The following CLASP2 variants were observed in gnomAD, a reference collection of about 807,000 sequenced individuals.
CLASP2 encodes the protein cytoplasmic linker associated protein 2.
CLASP2 carries 47 observed loss-of-function variants against 194.4 expected under a neutral mutation model. The observed-to-expected ratio is 0.24, with a 90% confidence interval of 0.19 to 0.31. CLASP2 has a LOEUF of 0.31. CLASP2 is among the 10% of genes least tolerant of loss of function. The probability of loss-of-function intolerance (pLI) is 1.00; values close to 1 mark genes in which losing one functional copy is unlikely to be tolerated. For synonymous variants in CLASP2, 619 were observed against 633.5 expected (o/e 0.98, Z 0.34); for missense variants, 1,445 against 1,823.6 (o/e 0.79, Z 3.78).
At chr3:33,576,707 C>T (rs1338474235) in intron 23 of CLASP2, among the ~76,000 whole-genome samples, 1 of 152,122 alleles carries the variant, frequency 6.6e-6, no homozygotes, top group Non-Finnish European at 1.5e-5. Flanking sequence ...GGAAAATAAG[C>T]TCTAATTATT....
chr3:33,576,260 A>T lies in CLASP2; in HGVS notation c.2363T>A (p.Ile788Asn). ...AGACGACAGTCGACTTGATTGGCTG[A>T]TCCCATAACCTGGACCTAATTCATC... ...SFQPLGPGYG[I>N]SQSSRLSSSV... The change falls in exon 24 of 39, where the codon ATC (isoleucine) becomes AAC (asparagine). Residue 788 changes from isoleucine to asparagine, a missense_variant. Coordinates refer to ENST00000682230, the MANE Select transcript of CLASP2 (RefSeq NM_001365631.1). 6.2e-7 allele frequency: 1 copy of T among 1,613,596 alleles called. No individual in the cohort carries two copies. Among genetic ancestry groups the T allele is most frequent in the Non-Finnish European group, 8.5e-7 (1 of 1,179,532 alleles).
intron 27 of CLASP2, among the ~76,000 whole-genome samples, chr3:33,565,849 A>T (rs1470811713): frequency 6.6e-6 from 1 of 151,354 alleles, no homozygotes; most frequent in East Asian, 1.9e-4. Context: ...TAATATATAT[A>T]ATAAATAAAA....
At position 33,549,920 on chromosome 3, in the gene CLASP2, A is replaced by G. The variant is rs760457713; in HGVS notation, c.3153+1332T>C. 5.9e-5 allele frequency among the ~76,000 whole-genome samples: 9 copies of G among 151,604 alleles called. No homozygotes were observed. In the South Asian group the frequency reaches 1.9e-3, roughly 32 times the overall value. ...CACCCAATTTTTTTTTATTTTTAGC[A>G]GAGACAGGGTTTCTCCACGTTGCTC... On this transcript the variant is annotated intron_variant, in intron 30 of 38. Transcript: ENST00000682230.
chr3:33,602,733 A>G, intron 18 of CLASP2: 1 of 679,194 alleles, frequency 1.5e-6, no homozygotes, highest in Non-Finnish European at 2.7e-6. Context: ...TGGATTCAAG[A>G]ATTGTTTCTT....
intron 11 of CLASP2, among the ~76,000 whole-genome samples, chr3:33,620,100 T>C (rs879882501): frequency 6.6e-6 from 1 of 152,260 alleles, no homozygotes; most frequent in African/African-American, 2.4e-5. Flanking sequence ...TCCATTTTGA[T>C]GATCCATTAT....
At chr3:33,685,207 T>C (rs904674806) in intron 5 of CLASP2, among the ~76,000 whole-genome samples, 37 of 149,810 alleles carry the variant, frequency 2.5e-4, no homozygotes, top group African/African-American at 8.8e-4. Context: ...CCCAGCGTGG[T>C]GGCACATCCC....
chr3:33,707,748 T>C (rs1240324382), intron 1 of CLASP2, among the ~76,000 whole-genome samples: 1 of 152,142 alleles, frequency 6.6e-6, no homozygotes, highest in African/African-American at 2.4e-5. Flanking sequence ...GAAAAACAGA[T>C]GGAACAGTCA....
chr3:33,615,806 G>C (rs2076056875), intron 12 of CLASP2, among the ~76,000 whole-genome samples: 1 of 151,658 alleles, frequency 6.6e-6, no homozygotes, highest in African/African-American at 2.4e-5. Flanking sequence ...ATGACAATAA[G>C]AACAAAAGCA....
At position 33,718,056 on chromosome 3, in the gene CLASP2, A is replaced by G. The variant is rs2093377267; in HGVS notation, c.-54T>C. 7.0e-7 allele frequency: 1 copy of G among 1,436,160 alleles called. No homozygotes were observed. The highest frequency in any genetic ancestry group is 9.1e-7 in the Non-Finnish European group (1 of 1,101,602). The allele number at this position is 1,436,160 out of a possible 1,614,324, so 89.0% of individuals were successfully genotyped here. On this transcript the variant is annotated 5_prime_UTR_variant, in exon 1 of 39. Coordinates refer to ENST00000682230, the MANE Select transcript of CLASP2 (RefSeq NM_001365631.1). Reference sequence around the variant, plus strand: ...CTGTGAGCGGCCAACTTTCGCCGAGAGCCGCCCAGCCTCCAGTGCGGGTCC... The same window carrying G: ...CTGTGAGCGGCCAACTTTCGCCGAGGGCCGCCCAGCCTCCAGTGCGGGTCC...
chr3:33,565,922 T>A (rs2062654856), intron 27 of CLASP2, among the ~76,000 whole-genome samples: 1 of 152,096 alleles, frequency 6.6e-6, no homozygotes, highest in East Asian at 1.9e-4. Flanking sequence ...TTAGTAGTTA[T>A]GTTTTGGGGA....
At chr3:33,527,198 A>C (rs560218952) in intron 34 of CLASP2, among the ~76,000 whole-genome samples, 1 of 152,268 alleles carries the variant, frequency 6.6e-6, no homozygotes, top group South Asian at 2.1e-4. Flanking sequence ...TTTTTGAAAA[A>C]ATTAATAAAA....
At position 33,508,960 on chromosome 3, in the gene CLASP2, C is replaced by T. The variant is rs541906138; in HGVS notation, c.4317+1598G>A. On this transcript the variant is annotated intron_variant, in intron 37 of 38. Coordinates refer to ENST00000682230, the MANE Select transcript of CLASP2 (RefSeq NM_001365631.1). Reference sequence around the variant, plus strand: ...AGGCTCATTTTATACATTACCTGCTCCAAACCTGGACTCAGTCATTTTCCC... The same window carrying T: ...AGGCTCATTTTATACATTACCTGCTTCAAACCTGGACTCAGTCATTTTCCC... 2.0e-5 allele frequency among the ~76,000 whole-genome samples: 3 copies of T among 152,246 alleles called. No individual in the cohort carries two copies. In the South Asian group the frequency reaches 6.2e-4, roughly 32 times the overall value.
chr3:33,679,568 G>A (rs959806421), intron 6 of CLASP2, among the ~76,000 whole-genome samples: 1 of 152,058 alleles, frequency 6.6e-6, no homozygotes, highest in African/African-American at 2.4e-5. Flanking sequence ...TTTTAAATAA[G>A]GGCAAAAGAT....
chr3:33,638,172 G>A (rs549670860), intron 8 of CLASP2, among the ~76,000 whole-genome samples: 17 of 152,292 alleles, frequency 1.1e-4, no homozygotes, highest in African/African-American at 4.1e-4. Flanking sequence ...ATACGTGGAA[G>A]GGTACATATC....
intron 1 of CLASP2, among the ~76,000 whole-genome samples, chr3:33,703,602 C>T (rs1461298564): frequency 2.6e-5 from 4 of 152,182 alleles, no homozygotes; most frequent in Non-Finnish European, 5.9e-5. Flanking sequence ...GGTATTTAGC[C>T]AAAGGAGTTG....
intron 18 of CLASP2, among the ~76,000 whole-genome samples, chr3:33,598,114 A>T (rs1328787394): frequency 6.6e-6 from 1 of 151,484 alleles, no homozygotes; most frequent in African/African-American, 2.4e-5. Context: ...TCTGGGAGAC[A>T]AACTTTGAAA....
chr3:33,650,592 G>A (rs2154318362), intron 7 of CLASP2, among the ~76,000 whole-genome samples: 1 of 151,864 alleles, frequency 6.6e-6, no homozygotes, highest in Middle Eastern at 3.4e-3. Flanking sequence ...AAATAGAGAA[G>A]GAAGAGATGG....
chr3:33,497,438 G>A lies in CLASP2; in HGVS notation c.*1193C>T. On this transcript the variant is annotated 3_prime_UTR_variant, in exon 39 of 39. Coordinates refer to ENST00000682230, the MANE Select transcript of CLASP2 (RefSeq NM_001365631.1). ...GCTGCACATGAAAAGAATGGGTGTA[G>A]CAAGAGGTGATTAAAAAAATTTGCT... 1 of 152,554 alleles carries A rather than the reference G, an allele frequency of 6.6e-6. No homozygotes were observed. Among genetic ancestry groups the A allele is most frequent in the East Asian group, 1.9e-4 (1 of 5,194 alleles). 9.5% of individuals were successfully genotyped at this position (152,554 alleles called of 1,614,324 possible).
intron 18 of CLASP2, chr3:33,602,462 T>C (rs1480109132): frequency 9.9e-6 from 7 of 708,406 alleles, no homozygotes; most frequent in African/African-American, 1.7e-5. Context: ...CAACGTCAAC[T>C]TTTTAATTTG....
Sources: allele counts gnomAD v4.1 joint callset (sites outside exome capture counted in the v4.1 genomes callset), GRCh38; gene constraint gnomAD v4.1.1; transcripts MANE v1.5; gene names NCBI Gene and HGNC (gene_info 2026-07-23, HGNC 2026-07-21).